The following AHDC1 variants were observed in gnomAD, a reference collection of about 807,000 sequenced individuals.
AHDC1 encodes the protein AT-hook DNA binding motif containing 1.
A neutral mutation model predicts 87.9 loss-of-function variants in AHDC1; 7 were observed. The ratio of observed to expected loss-of-function variants is 0.08; its 90% confidence interval spans 0.05 to 0.15. The LOEUF is 0.15. Ranked by LOEUF, AHDC1 falls within the 10% of genes least tolerant of loss-of-function variation. AHDC1 has a pLI of 1.00. For missense variants in AHDC1, 1,841 were observed against 2,253.2 expected (o/e 0.82, Z 3.70); for synonymous variants, 1,051 against 1,006.8 (o/e 1.04, Z -0.83).
At chr1:27,578,997 C>A (rs1006092374) in intron 3 of AHDC1, among the ~76,000 whole-genome samples, 1 of 150,830 alleles carries the variant, frequency 6.6e-6, no homozygotes, top group Admixed American at 6.6e-5. Flanking sequence ...CACCCGGACA[C>A]ATATATGGCT....
At chr1:27,591,905 T>G (rs897533488) in intron 3 of AHDC1, among the ~76,000 whole-genome samples, 1 of 152,166 alleles carries the variant, frequency 6.6e-6, no homozygotes, top group Non-Finnish European at 1.5e-5. Flanking sequence ...TGAACAATGG[T>G]AGCGATCATA....
intron 3 of AHDC1, among the ~76,000 whole-genome samples, chr1:27,570,333 C>G (rs890737784): frequency 6.6e-6 from 1 of 152,048 alleles, no homozygotes; most frequent in Non-Finnish European, 1.5e-5. Context: ...CATCGCCCCC[C>G]ACCCCTCATC....
In AHDC1 at chr1:27,548,425, G is replaced by C; in HGVS notation, c.3691C>G (p.Pro1231Ala). Reference sequence around the variant, plus strand: ...ACCTTCTTCCGCCGTCCACGGCCCGGCTTGGAGCTACTCTGAAAGAGGACA... The same window carrying C: ...ACCTTCTTCCGCCGTCCACGGCCCGCCTTGGAGCTACTCTGAAAGAGGACA... ...QSVLFQSSSK[P>A]GRGRRKKVDL... The change falls in exon 8 of 9, where the codon CCG becomes GCG. Residue 1231 changes from proline to alanine, a missense_variant. Physicochemically the swap from Pro to Ala is conservative, Grantham distance 27. This residue lies in a region of AHDC1 where 505 missense variants were observed against 626.2 expected (regional missense o/e 0.81). Transcript: ENST00000673934. The C allele has an allele frequency of 6.2e-7, 1 of 1,612,336 alleles. No individual in the cohort carries two copies. Among genetic ancestry groups the C allele is most frequent in the Non-Finnish European group, 8.5e-7 (1 of 1,178,780 alleles).
In AHDC1 at chr1:27,550,234, A is replaced by C; in HGVS notation, c.1882T>G (p.Cys628Gly). ...KLAFLNRQSQ[C>G]AGRCSPPRCW... ...CGGGGCGGTGAGCACCGTCCAGCGC[A>C]CTGGCTCTGGCGGTTCAGGAAGGCC... The change falls in exon 8 of 9, where the codon TGC (cysteine) becomes GGC (glycine). Residue 628 changes from cysteine (C) to glycine (G), a missense_variant. Cys to Gly is a radical substitution (Grantham distance 159, BLOSUM62 -3). Around this residue, in one of 13 missense-constraint regions of AHDC1, gnomAD observed 84 missense variants for 111.7 expected, o/e 0.75. Transcript: ENST00000673934. 1 of 1,613,764 alleles carries C rather than the reference A, an allele frequency of 6.2e-7. No individual in the cohort carries two copies. The highest frequency in any genetic ancestry group is 8.5e-7 in the Non-Finnish European group (1 of 1,179,970).
Position 27,547,589 on chromosome 1 carries a change from T to C in AHDC1, c.4527A>G (p.Pro1509=). The part of the protein sequence containing the change: ...CLSAPHLASP[P]ATPKADKEPL... ...GCTCCTTGTCGGCCTTGGGCGTGGC[T>C]GGTGGGCTAGCCAGGTGAGGGGCAC... is the stretch of plus-strand genomic sequence containing the variant. The change falls in exon 8 of 9, where the codon CCA becomes CCG. Residue 1509 remains proline (P), a synonymous_variant. Transcript: ENST00000673934. This position sits in a 1 kb window ranked among gnomAD's most constrained non-coding sequence, Gnocchi z 4.9. The C allele has an allele frequency of 6.2e-7, 1 of 1,607,544 alleles. No homozygotes were observed. Among genetic ancestry groups the C allele is most frequent in the Non-Finnish European group, 8.5e-7 (1 of 1,177,742 alleles).
chr1:27,544,724 G>A (rs2019087820), intron 8 of AHDC1, among the ~76,000 whole-genome samples: 1 of 152,198 alleles, frequency 6.6e-6, no homozygotes, highest in Admixed American at 6.5e-5. Flanking sequence ...CCTAGAGCCT[G>A]TGGGTCATCT....
chr1:27,559,185 G>A (rs560934289), intron 3 of AHDC1, among the ~76,000 whole-genome samples: 1 of 151,998 alleles, frequency 6.6e-6, no homozygotes, highest in African/African-American at 2.4e-5. Flanking sequence ...CCGAGTAGCT[G>A]GGGCTACAGG....
In AHDC1 at chr1:27,549,931, C is replaced by T. The variant is rs2019434301; in HGVS notation, c.2185G>A (p.Gly729Arg). 10 of 1,613,374 alleles carry T rather than the reference C, an allele frequency of 6.2e-6. No individual in the cohort carries two copies. The highest frequency in any genetic ancestry group is 2.2e-5 in the East Asian group (1 of 44,866). Residue 729 changes from glycine to arginine, a missense_variant, in exon 8 of 9, where the codon GGG becomes AGG. Gly to Arg is a moderately radical substitution (Grantham distance 125, BLOSUM62 -2). Transcript: ENST00000673934. ...TTCCCAGTCACAGCGTCTACCTCCC[C>T]CCGGCCCCGTTTGCGTGGGTGCCCC... ...ELGHPRKRGR[G>R]EVDAVTGKPK...
chr1:27,591,603 CCCCT>C (rs1475198750), intron 3 of AHDC1, among the ~76,000 whole-genome samples: 1 of 152,212 alleles, frequency 6.6e-6, no homozygotes, highest in Non-Finnish European at 1.5e-5. Flanking sequence ...ATGGTGATCA[CCCCT>C]CCACCACATG....
At position 27,562,395 on chromosome 1, in the gene AHDC1, A is replaced by G. The variant is rs1571271285; in HGVS notation, c.-628-3512T>C. Among the ~76,000 whole-genome samples, 1 of 152,086 alleles carries G rather than the reference A, an allele frequency of 6.6e-6. No individual in the cohort carries two copies. Among genetic ancestry groups the G allele is most frequent in the Non-Finnish European group, 1.5e-5 (1 of 67,990 alleles). ...CTGCCCCGATTAATCCTGTGGCTCC[A>G]GAGCCTTAATTAGTTTAACAGTTTC... On this transcript the variant is annotated intron_variant, in intron 3 of 8. Coordinates refer to ENST00000673934, the MANE Select transcript of AHDC1 (RefSeq NM_001371928.1). The surrounding 1 kb of genome is among the most constrained non-coding windows in gnomAD (Gnocchi z 4.4).
chr1:27,559,166 C>T (rs1032706478), intron 3 of AHDC1, among the ~76,000 whole-genome samples: 4 of 152,164 alleles, frequency 2.6e-5, no homozygotes, highest in South Asian at 2.1e-4. Context: ...ATCCTCCCAC[C>T]TCAGCCTCCC....
chr1:27,550,908 C>G lies in AHDC1; in HGVS notation c.1208G>C (p.Arg403Pro). ...GCCCTCGGGTCCGGCGTCTGCCTTG[C>G]GTCCCCGTCCGGCTTTCCGCCGGCG... ...LCRRRKAGRG[R>P]KADAGPEGRL... The change falls in exon 8 of 9, where the codon CGC (arginine) becomes CCC (proline). Residue 403 changes from arginine (R) to proline (P), a missense_variant. Transcript: ENST00000673934. 6.3e-7 allele frequency: 1 copy of G among 1,595,768 alleles called. No homozygotes were observed.
chr1:27,562,863 G>A lies in AHDC1; in HGVS notation c.-628-3980C>T, dbSNP rs1388105600. ...CATGCCACTCCCCACAACAGCCTGC[G>A]ACGGGCACATGGTGACATCTCACAC... On this transcript the variant is annotated intron_variant, in intron 3 of 8. Transcript: ENST00000673934. The surrounding 1 kb of genome is among the most constrained non-coding windows in gnomAD (Gnocchi z 4.4). 6.6e-6 allele frequency among the ~76,000 whole-genome samples: 1 copy of A among 152,092 alleles called. No individual in the cohort carries two copies. The highest frequency in any genetic ancestry group is 1.5e-5 in the Non-Finnish European group (1 of 68,004).
Position 27,565,128 on chromosome 1 carries a change from G to A in AHDC1, c.-628-6245C>T, listed in dbSNP as rs1405498543. 1.3e-5 allele frequency among the ~76,000 whole-genome samples: 2 copies of A among 152,200 alleles called. No individual in the cohort carries two copies. The highest frequency in any genetic ancestry group is 2.9e-5 in the Non-Finnish European group (2 of 68,016). ...GGCTGGCAGGCATGCTCGCTCCCGC[G>A]CAGGGAAGCGGCTAATTTTAGCTGA... On this transcript the variant is annotated intron_variant, in intron 3 of 8. Transcript: ENST00000673934. The surrounding 1 kb of genome is among the most constrained non-coding windows in gnomAD (Gnocchi z 4.6).
At chr1:27,575,697 C>A (rs886715262) in intron 3 of AHDC1, among the ~76,000 whole-genome samples, 1 of 151,772 alleles carries the variant, frequency 6.6e-6, no homozygotes, top group Non-Finnish European at 1.5e-5. Flanking sequence ...CCCGGTCCAA[C>A]CCGGCCGGGT....
chr1:27,571,367 G>A (rs1229353280), intron 3 of AHDC1, among the ~76,000 whole-genome samples: 1 of 152,170 alleles, frequency 6.6e-6, no homozygotes, highest in Non-Finnish European at 1.5e-5. Flanking sequence ...TGATGGGGGA[G>A]ACCAGGCACA....
In AHDC1 at chr1:27,595,412, G is replaced by A. The variant is rs56340163; in HGVS notation, c.-629+7985C>T. Among the ~76,000 whole-genome samples, 2,135 of 151,050 alleles carry A rather than the reference G, an allele frequency of 0.014. 48 individuals carry two copies. Among genetic ancestry groups the A allele is most frequent in the African/African-American group, 0.049 (1,996 of 40,814 alleles). On this transcript the variant is annotated intron_variant, in intron 3 of 8. Coordinates refer to ENST00000673934, the MANE Select transcript of AHDC1 (RefSeq NM_001371928.1). This position sits in a 1 kb window ranked among gnomAD's most constrained non-coding sequence, Gnocchi z 4.0. Reference sequence around the variant, plus strand: ...GTCCTGGGTGTATCTGGCAGTGTTGGGGTTGGATAGGGGGTTGATATGCTG... The same window carrying A: ...GTCCTGGGTGTATCTGGCAGTGTTGAGGTTGGATAGGGGGTTGATATGCTG...
Position 27,548,878 on chromosome 1 carries a change from A to G in AHDC1, c.3238T>C (p.Ser1080Pro). ...VPKGTTASAT[S>P]AASAASSSSS... ...GAGGAGGAGGCGGCAGAGGCTGCAG[A>G]GGTGGCAGAGGCTGTGGTGCCCTTG... The change falls in exon 8 of 9, where the codon TCT becomes CCT. Residue 1080 changes from serine to proline, a missense_variant. Transcript: ENST00000673934. The G allele has an allele frequency of 6.2e-7, 1 of 1,609,504 alleles. No homozygotes were observed. Among genetic ancestry groups the G allele is most frequent in the African/African-American group, 1.3e-5 (1 of 74,998 alleles).
intron 3 of AHDC1, among the ~76,000 whole-genome samples, chr1:27,575,745 C>T (rs1437044257): frequency 2.6e-5 from 4 of 151,814 alleles, no homozygotes; most frequent in African/African-American, 9.7e-5. Flanking sequence ...GCCGGCCGCC[C>T]CTTCCCGCGC....
Sources: gnomAD v4.1 joint callset for allele counts (sites outside exome capture counted in the v4.1 genomes callset) on GRCh38, gnomAD v4.1.1 for gene constraint, gnomAD v4.1.1 regional missense constraint, Gnocchi (gnomAD v3.1) non-coding constraint, MANE v1.5 for transcripts, NCBI Gene and HGNC (gene_info 2026-07-23, HGNC 2026-07-21) for gene names.